Variants in ADGRD1 observed in about 807,000 individuals in gnomAD.
The protein encoded by ADGRD1 is G-protein coupled receptor 133.
ADGRD1 carries 77 observed loss-of-function variants against 113.4 expected under a neutral mutation model. That is an observed-to-expected ratio of 0.68 (90% confidence interval 0.57 to 0.82). ADGRD1 has a LOEUF of 0.82. ADGRD1 is among the 40% of genes least tolerant of loss of function. The pLI, the probability that ADGRD1 is intolerant of heterozygous loss-of-function variation, is 0.00. For missense variants in ADGRD1, 1,036 were observed against 1,139.1 expected (o/e 0.91, Z 1.30); for synonymous variants, 474 against 475.0 (o/e 1.00, Z 0.03).
intron 15 of ADGRD1, among the ~76,000 whole-genome samples, chr12:131,102,217 T>C (rs1034858113): frequency 2.0e-5 from 3 of 152,230 alleles, no homozygotes; most frequent in Non-Finnish European, 4.4e-5. Flanking sequence ...GCGTGGGGAA[T>C]GTGGCCTAGA....
At chr12:130,960,626 A>G (rs945697273) in intron 2 of ADGRD1, among the ~76,000 whole-genome samples, 2 of 148,470 alleles carry the variant, frequency 1.3e-5, no homozygotes, top group Non-Finnish European at 3.0e-5. Context: ...CTAACATTAA[A>G]AATTTGGGAG....
At chr12:131,083,876 G>A (rs965733533) in intron 14 of ADGRD1, among the ~76,000 whole-genome samples, 1 of 152,180 alleles carries the variant, frequency 6.6e-6, no homozygotes, top group Non-Finnish European at 1.5e-5. Context: ...CGGTAACACC[G>A]TGGGGAGTTT....
chr12:131,069,744 C>T lies in ADGRD1; in HGVS notation c.1474-7057C>T, dbSNP rs1885007829. The stretch of plus-strand genomic sequence containing the variant: ...GAAGTCATGAAAACAAGACAAAATC[C>T]AAGGTCTTAGAAAATATCTTATATG... On this transcript the variant is annotated intron_variant, in intron 13 of 24. Coordinates refer to ENST00000261654, the MANE Select transcript of ADGRD1 (RefSeq NM_198827.5). 3.9e-5 allele frequency: 6 copies of T among 152,142 alleles called. No homozygotes were observed. In the South Asian group the frequency reaches 1.2e-3, roughly 32 times the overall value. 9.4% of individuals were successfully genotyped at this position (152,142 alleles called of 1,614,324 possible).
intron 15 of ADGRD1, among the ~76,000 whole-genome samples, chr12:131,101,373 CTTTCTTTTTTTTT>C (rs1950075136): frequency 6.3e-5 from 5 of 79,362 alleles, no homozygotes; most frequent in East Asian, 3.0e-4. Flanking sequence ...CTTTTTCTTT[CTTTCTTTTTTTTT>C]TTTTTTTTTT....
In ADGRD1 at chr12:131,022,838, G is replaced by A. The variant is rs1267969251; in HGVS notation, c.1473+8498G>A. The A allele has an allele frequency of 6.9e-6, 1 of 145,260 alleles. No homozygotes were observed. The highest frequency in any genetic ancestry group is 1.5e-5 in the Non-Finnish European group (1 of 65,588). The allele number at this position is 145,260 out of a possible 1,614,324, so 9.0% of individuals were successfully genotyped here. On this transcript the variant is annotated intron_variant, in intron 13 of 24. Coordinates refer to ENST00000261654, the MANE Select transcript of ADGRD1 (RefSeq NM_198827.5). This position sits in a 1 kb window ranked among gnomAD's most constrained non-coding sequence, Gnocchi z 4.6. Reference sequence around the variant, plus strand: ...GTTCTCAGTCCTCTCTCGGTGGACAGAGCCGGGAAATCTGTGTGTGTGTGC... The same window carrying A: ...GTTCTCAGTCCTCTCTCGGTGGACAAAGCCGGGAAATCTGTGTGTGTGTGC...
rs539133570 is a variant in ADGRD1, at chr12:131,138,660, G to A, written c.2529+431G>A. 4.6e-5 allele frequency among the ~76,000 whole-genome samples: 7 copies of A among 152,068 alleles called. 1 individual carries two copies. The highest frequency in any genetic ancestry group is 1.2e-4 in the African/African-American group (5 of 41,478). ...CCTCAGGAAGTCCTTCCCCGCACAC[G>A]GTGCTCAATGAAGGCGCTCCCACCC... is the stretch of plus-strand genomic sequence containing the variant. On this transcript the variant is annotated intron_variant, in intron 24 of 24. Coordinates refer to ENST00000261654, the MANE Select transcript of ADGRD1 (RefSeq NM_198827.5).
intron 13 of ADGRD1, chr12:131,070,539 A>G (rs2137131389): frequency 5.0e-6 from 1 of 198,878 alleles, no homozygotes; most frequent in Admixed American, 5.2e-5. Context: ...GGGCTTCTGT[A>G]GGGAGAGGCG....
rs1869249138 is a variant in ADGRD1 at position 130,954,348 on chromosome 12, T to G, written c.-118T>G. 7 of 860,402 alleles carry G rather than the reference T, an allele frequency of 8.1e-6. No homozygotes were observed. Among genetic ancestry groups the G allele is most frequent in the Non-Finnish European group, 8.9e-6 (5 of 561,252 alleles). The allele number at this position is 860,402 out of a possible 1,614,324, so 53.3% of individuals were successfully genotyped here. ...CACAAACTTTAAGGAGACAGAAATT[T>G]TCTCCCCTGGAACCTGTGAAAATGT... On this transcript the variant is annotated 5_prime_UTR_variant, in exon 1 of 25. Coordinates refer to ENST00000261654, the MANE Select transcript of ADGRD1 (RefSeq NM_198827.5). The surrounding 1 kb of genome is among the most constrained non-coding windows in gnomAD (Gnocchi z 4.7).
At chr12:131,102,662 A>G (rs1950115074) in intron 15 of ADGRD1, among the ~76,000 whole-genome samples, 1 of 152,186 alleles carries the variant, frequency 6.6e-6, no homozygotes, top group Non-Finnish European at 1.5e-5. Flanking sequence ...CATGAGGGTC[A>G]GGGGAAGCCA....
chr12:131,096,519 T>G lies in ADGRD1; in HGVS notation c.1672-8312T>G, dbSNP rs1399912631. ...AACCACTGCATAGCTCTCCCGCGGGTGGACACTGAAGTCATGGTGGTCTTT... is the reference window on the plus strand; with the variant it reads ...AACCACTGCATAGCTCTCCCGCGGGGGGACACTGAAGTCATGGTGGTCTTT... On this transcript the variant is annotated intron_variant, in intron 15 of 24. Coordinates refer to ENST00000261654, the MANE Select transcript of ADGRD1 (RefSeq NM_198827.5). The surrounding 1 kb of genome is among the most constrained non-coding windows in gnomAD (Gnocchi z 5.2). 6.6e-6 allele frequency among the ~76,000 whole-genome samples: 1 copy of G among 152,150 alleles called. No individual in the cohort carries two copies. Among genetic ancestry groups the G allele is most frequent in the African/African-American group, 2.4e-5 (1 of 41,442 alleles).
At position 131,108,849 on chromosome 12, in the gene ADGRD1, G is replaced by C; in HGVS notation, c.2013G>C (p.Lys671Asn). Reference sequence around the variant, plus strand: ...AGGTCTTTGGGTCGGAGGACAGCAAGCACCGTTACTACTATGGGATGGGAT... The same window carrying C: ...AGGTCTTTGGGTCGGAGGACAGCAACCACCGTTACTACTATGGGATGGGAT... Reference protein sequence around the residue: ...VIKVFGSEDSKHRYYYGMGWG... With the variant: ...VIKVFGSEDSNHRYYYGMGWG... Residue 671 changes from lysine to asparagine, a missense_variant, in exon 18 of 25, where the codon AAG becomes AAC. By Grantham distance (94) the Lys-to-Asn change is moderately conservative. Coordinates refer to ENST00000261654, the MANE Select transcript of ADGRD1 (RefSeq NM_198827.5). 2.5e-6 allele frequency: 4 copies of C among 1,590,492 alleles called. No individual in the cohort carries two copies. Among genetic ancestry groups the C allele is most frequent in the Non-Finnish European group, 3.4e-6 (4 of 1,168,494 alleles).
chr12:131,031,098 G>C (rs988821755), intron 13 of ADGRD1, among the ~76,000 whole-genome samples: 25 of 152,210 alleles, frequency 1.6e-4, no homozygotes, highest in Non-Finnish European at 3.2e-4. Flanking sequence ...ACCACACTGG[G>C]CCCCGGGGAG....
chr12:131,101,307 C>A (rs1321043613), intron 15 of ADGRD1, among the ~76,000 whole-genome samples: 1 of 150,962 alleles, frequency 6.6e-6, no homozygotes, highest in East Asian at 1.9e-4. Context: ...TGCTTTCTTT[C>A]CTTTACTAGC....
chr12:131,014,206 G>A lies in ADGRD1; in HGVS notation c.1339G>A (p.Glu447Lys). The change falls in exon 13 of 25, where the codon GAG (glutamate) becomes AAG (lysine). Residue 447 changes from glutamate (E) to lysine (K), a missense_variant. Transcript: ENST00000261654. ...NIWPAHTKIA[E>K]AMHHQDCLLF... ...TTTCCGTCTCTTCCCAAGGATCGCG[G>A]AGGCCATGCATCACCAGGACTGCCT... The A allele has an allele frequency of 6.2e-7, 1 of 1,613,860 alleles. No individual in the cohort carries two copies. Among genetic ancestry groups the A allele is most frequent in the Non-Finnish European group, 8.5e-7 (1 of 1,179,872 alleles).
chr12:130,998,039 C>CA lies in ADGRD1; in HGVS notation c.967-2335dup, dbSNP rs1223056396. On this transcript the variant is annotated intron_variant, in intron 8 of 24. Coordinates refer to ENST00000261654, the MANE Select transcript of ADGRD1 (RefSeq NM_198827.5). ...CAACACAGCGAAACCCCGTCTCCAC[C>CA]AAAAAAAAACGAAAACCAGTCAGGC... Among the ~76,000 whole-genome samples the CA allele has an allele frequency of 7.5e-4, 113 of 149,716 alleles. 2 individuals are homozygous for CA. The South Asian group carries it at 0.014, about 18-fold the overall frequency.
intron 13 of ADGRD1, among the ~76,000 whole-genome samples, chr12:131,030,114 T>C (rs1472334482): frequency 1.3e-5 from 2 of 148,352 alleles, no homozygotes; most frequent in Admixed American, 1.3e-4. Flanking sequence ...GGTTAGGTTG[T>C]GGACCCTTCA....
At chr12:131,138,005 G>GCTC in intron 23 of ADGRD1, 132 bp from the exon 24 acceptor site, 1 of 707,468 alleles carries the variant, frequency 1.4e-6, no homozygotes, top group African/African-American at 1.7e-5. Context: ...GGAGCCAGCA[G>GCTC]CTCCGACTCA....
chr12:131,096,636 T>G lies in ADGRD1; in HGVS notation c.1672-8195T>G, dbSNP rs1040494826. Among the ~76,000 whole-genome samples, 1 of 152,064 alleles carries G rather than the reference T, an allele frequency of 6.6e-6. No homozygotes were observed. Among genetic ancestry groups the G allele is most frequent in the African/African-American group, 2.4e-5 (1 of 41,422 alleles). On this transcript the variant is annotated intron_variant, in intron 15 of 24. Transcript: ENST00000261654. This position sits in a 1 kb window ranked among gnomAD's most constrained non-coding sequence, Gnocchi z 5.2. ...GGGGCACTGCTGGTCCAGGTTTACA[T>G]CCCGCCTCCATCTGTGAGGATGGGT...
rs1374922535 is a variant in ADGRD1 at position 131,105,755 on chromosome 12, T to A, written c.1777T>A (p.Ser593Thr). 6.2e-7 allele frequency: 1 copy of A among 1,600,142 alleles called. No homozygotes were observed. Among genetic ancestry groups the A allele is most frequent in the African/African-American group, 1.3e-5 (1 of 74,898 alleles). ...CTCACACCCTGCCTCTGTCCTCAGCTCCGTGAGCACCATCCGGAACCAGCG... is the reference window on the plus strand; with the variant it reads ...CTCACACCCTGCCTCTGTCCTCAGCACCGTGAGCACCATCCGGAACCAGCG... ...ATLVTFAVLSSVSTIRNQRYH... is the reference protein window; with the variant it reads ...ATLVTFAVLSTVSTIRNQRYH... The change falls in exon 17 of 25, where the codon TCC becomes ACC. Residue 593 changes from serine (S) to threonine (T), a missense_variant and splice_region_variant. Transcript: ENST00000261654.
Sources: gnomAD v4.1 joint callset for allele counts (sites outside exome capture counted in the v4.1 genomes callset) on GRCh38, gnomAD v4.1.1 for gene constraint, Gnocchi (gnomAD v3.1) non-coding constraint, MANE v1.5 for transcripts, NCBI Gene and HGNC (gene_info 2026-07-23, HGNC 2026-07-21) for gene names.